The following SMG1 variants were observed in gnomAD, a reference collection of about 807,000 sequenced individuals.
SMG1 encodes the protein serine/threonine-protein kinase SMG1.
In SMG1, 22 loss-of-function variants were observed where a neutral mutation model predicts 419.9. That is an observed-to-expected ratio of 0.05 (90% CI 0.04 to 0.07). The LOEUF is 0.07. Ranked by LOEUF, SMG1 falls within the 10% of genes least tolerant of loss-of-function variation. The pLI is 1.00. For missense variants in SMG1, 3,185 were observed against 4,342.0 expected, an observed-to-expected ratio of 0.73 and a Z score of 7.49; for synonymous variants, 1,538 against 1,553.5, an observed-to-expected ratio of 0.99 and a Z score of 0.23.
intron 30 of SMG1, 110 bp from the exon 31 acceptor site, chr16:18,853,977 T>C (rs1392239177): frequency 9.9e-7 from 1 of 1,013,386 alleles, no homozygotes; most frequent in Non-Finnish European, 1.4e-6. Context: ...ACCATGTTGA[T>C]GGTTTCAAAC....
At position 18,841,748 on chromosome 16, in the gene SMG1, A is replaced by G. The variant is rs1185632227; in HGVS notation, c.6513T>C (p.Ser2171=). The change falls in exon 41 of 63, where the codon TCT becomes TCC. Residue 2171 remains serine (S), a synonymous_variant. Transcript: ENST00000446231. ...TTGTAGCAAACATGGTATTCACAAT[A>G]GATAGGAACTGCATTATTCTCTCAT... is the stretch of plus-strand genomic sequence containing the variant. ...HLDERIMQFL[S]IVNTMFATIN... The G allele has an allele frequency of 6.2e-7, 1 of 1,613,890 alleles. No individual in the cohort carries two copies. The highest frequency in any genetic ancestry group is 1.3e-5 in the African/African-American group (1 of 74,914).
intron 1 of SMG1, among the ~76,000 whole-genome samples, chr16:18,907,020 A>T (rs1209066698): frequency 6.6e-6 from 1 of 152,166 alleles, no homozygotes; most frequent in African/African-American, 2.4e-5. Flanking sequence ...ATAGTGGCTC[A>T]CGCCTGTAAT....
At chr16:18,872,704 G>C (rs902366312) in intron 13 of SMG1, 80 bp from the exon 14 acceptor site, 48 of 1,199,960 alleles carry the variant, frequency 4.0e-5, no homozygotes, top group Non-Finnish European at 5.1e-5. Flanking sequence ...TTCAAAATAG[G>C]GGTATCTGGA....
At chr16:18,910,194 G>C (rs1287730426) in intron 1 of SMG1, among the ~76,000 whole-genome samples, 1 of 150,552 alleles carries the variant, frequency 6.6e-6, no homozygotes, top group African/African-American at 2.4e-5. Flanking sequence ...AGCCTCCCAA[G>C]TAGGTGGGAC....
chr16:18,904,658 C>T (rs1162578724), intron 1 of SMG1, among the ~76,000 whole-genome samples: 2 of 151,772 alleles, frequency 1.3e-5, no homozygotes, highest in Non-Finnish European at 2.9e-5. Flanking sequence ...AAATAAAGGC[C>T]GGGTGAAGTG....
chr16:18,851,415 G>A (rs939229412), intron 33 of SMG1, among the ~76,000 whole-genome samples: 7 of 151,416 alleles, frequency 4.6e-5, no homozygotes, highest in Admixed American at 2.0e-4. Context: ...ACACGCGCAC[G>A]CGCACACACG....
intron 10 of SMG1, among the ~76,000 whole-genome samples, chr16:18,880,934 C>A (rs1433507099): frequency 1.4e-5 from 2 of 148,092 alleles, no homozygotes; most frequent in Non-Finnish European, 3.0e-5. Flanking sequence ...AGAGACTGCA[C>A]TGAGTCGTGA....
At chr16:18,868,919 G>A (rs1328429777) in intron 20 of SMG1, among the ~76,000 whole-genome samples, 185 bp downstream of exon 20, 2 of 151,108 alleles carry the variant, frequency 1.3e-5, no homozygotes, top group African/African-American at 2.4e-5. Context: ...CTAAGTTTTG[G>A]GGAAAAAAAA....
At position 18,842,230 on chromosome 16, in the gene SMG1, C is replaced by T. The variant is rs764798421; in HGVS notation, c.6444G>A (p.Lys2148=). ...TACCTTTGAAAAGATAAGGATAGCT[C>T]TTCCCATCTGATCCAAGAAAGAGAA... ...KKLLFLGSDG[K]SYPYLFKGLE... Residue 2148 remains lysine, a synonymous_variant, in exon 40 of 63, where the codon AAG becomes AAA. Coordinates refer to ENST00000446231, the MANE Select transcript of SMG1 (RefSeq NM_015092.5). 1.2e-6 allele frequency: 2 copies of T among 1,613,818 alleles called. No homozygotes were observed. Among genetic ancestry groups the T allele is most frequent in the East Asian group, 4.5e-5 (2 of 44,876 alleles).
At position 18,876,803 on chromosome 16, in the gene SMG1, A is replaced by C. The variant is rs1230007492; in HGVS notation, c.1620+328T>G. ...TGAAAAGCCAGTCATTTTTGTTTAC[A>C]AAATATACAGTACTTCTTAATTTAT... On this transcript the variant is annotated intron_variant, in intron 12 of 62. Transcript: ENST00000446231. 2.0e-5 allele frequency among the ~76,000 whole-genome samples: 3 copies of C among 152,178 alleles called. No individual in the cohort carries two copies. In the East Asian group the frequency reaches 5.8e-4, roughly 29 times the overall value.
At chr16:18,884,225 C>G in intron 8 of SMG1, 58 bp from the exon 9 acceptor site, 2 of 820,566 alleles carry the variant, frequency 2.4e-6, no homozygotes, top group Non-Finnish European at 3.9e-6. Flanking sequence ...CCAAAAAATC[C>G]AAATTAAAAA....
rs181587745 is a variant in SMG1 at position 18,832,628 on chromosome 16, A to G, written c.8792+312T>C. Among the ~76,000 whole-genome samples the G allele has an allele frequency of 2.8e-4, 42 of 152,132 alleles. 1 individual carries two copies. The East Asian group carries it at 7.5e-3, about 27-fold the overall frequency. The stretch of plus-strand genomic sequence containing the variant: ...CACACACACACAAATAAGTGCATGT[A>G]TAACTAGTGAAATCTGAGTAAGCGG... On this transcript the variant is annotated intron_variant, in intron 51 of 62. Coordinates refer to ENST00000446231, the MANE Select transcript of SMG1 (RefSeq NM_015092.5).
At chr16:18,830,749 C>T (rs901754011) in intron 51 of SMG1, among the ~76,000 whole-genome samples, 2 of 152,038 alleles carry the variant, frequency 1.3e-5, no homozygotes, top group Non-Finnish European at 1.5e-5. Context: ...GCCAAGATCG[C>T]GCCATTACAC....
rs2030683074 is a variant in SMG1, at chr16:18,804,900, TTCATACAA to T, written c.*4661_*4668del. 6.5e-6 allele frequency: 1 copy of T among 152,690 alleles called. No individual in the cohort carries two copies. The highest frequency in any genetic ancestry group is 6.5e-5 in the Admixed American group (1 of 15,290). 9.5% of individuals were successfully genotyped at this position (152,690 alleles called of 1,614,324 possible). On this transcript the variant is annotated 3_prime_UTR_variant, in exon 63 of 63. Transcript: ENST00000446231. ...CCTTTATTTTCTGAAAAACAGGTATTTCATACAATCTTTGCCATGTTAATGCAAATATG... is the reference window on the plus strand; with the variant it reads ...CCTTTATTTTCTGAAAAACAGGTATTTCTTTGCCATGTTAATGCAAATATG...
At chr16:18,851,191 G>A (rs1049562531) in intron 33 of SMG1, among the ~76,000 whole-genome samples, 5 of 152,220 alleles carry the variant, frequency 3.3e-5, no homozygotes, top group Admixed American at 6.5e-5. Context: ...ACTTAGATAC[G>A]CTGCTGTTTA....
intron 15 of SMG1, among the ~76,000 whole-genome samples, chr16:18,871,752 A>G (rs2035834752): frequency 6.6e-6 from 1 of 152,234 alleles, no homozygotes; most frequent in Admixed American, 6.5e-5. Flanking sequence ...CCTGGCCAAC[A>G]ACATGGTGAA....
chr16:18,899,050 T>A (rs2037244545), intron 1 of SMG1, among the ~76,000 whole-genome samples: 1 of 152,134 alleles, frequency 6.6e-6, no homozygotes, highest in Non-Finnish European at 1.5e-5. Flanking sequence ...GTTTGCAGGG[T>A]ATGTTAAAAG....
chr16:18,827,931 A>G (rs1054378523), intron 55 of SMG1, 100 bp downstream of exon 55: 9 of 1,219,460 alleles, frequency 7.4e-6, no homozygotes, highest in Admixed American at 5.5e-5. Flanking sequence ...CAAGCCAAGG[A>G]CACACAAATA....
At chr16:18,904,987 C>A (rs533077121) in intron 1 of SMG1, among the ~76,000 whole-genome samples, 1 of 145,570 alleles carries the variant, frequency 6.9e-6, no homozygotes, top group East Asian at 2.1e-4. Context: ...TAAGGCCGGG[C>A]ACGGTGGCTT....
Sources: gnomAD v4.1 joint callset for allele counts (sites outside exome capture counted in the v4.1 genomes callset) on GRCh38, gnomAD v4.1.1 for gene constraint, MANE v1.5 for transcripts, NCBI Gene and HGNC (gene_info 2026-07-23, HGNC 2026-07-21) for gene names.